ZMYM4: variants seen among roughly 807,000 people sequenced by gnomAD.
ZMYM4 encodes zinc finger MYM-type protein 4.
A neutral mutation model predicts 183.2 loss-of-function variants in ZMYM4; 31 were observed. The observed-to-expected ratio is 0.17, with a 90% confidence interval of 0.13 to 0.23. ZMYM4 has a LOEUF of 0.23. Among genes scored for constraint, ZMYM4 ranks in the 10% least tolerant of loss-of-function variants. The pLI is 1.00. For synonymous variants in ZMYM4, 592 were observed against 631.2 expected (o/e 0.94, Z 0.93); for missense variants, 1,273 against 1,840.3 (o/e 0.69, Z 5.64).
chr1:35,418,297 C>T, intron 28 of ZMYM4, 146 bp from the exon 29 acceptor site: 1 of 780,878 alleles, frequency 1.3e-6, no homozygotes, highest in South Asian at 2.0e-5. Context: ...CCTTCATAGG[C>T]ACTCAGTATT....
chr1:35,291,182 T>C (rs527699315), intron 1 of ZMYM4, among the ~76,000 whole-genome samples: 1 of 152,308 alleles, frequency 6.6e-6, no homozygotes, highest in African/African-American at 2.4e-5. Context: ...AAATACTGTA[T>C]GTCTTCTTAT....
chr1:35,417,689 G>T (rs1049616410), intron 28 of ZMYM4, among the ~76,000 whole-genome samples: 3 of 152,072 alleles, frequency 2.0e-5, no homozygotes, highest in Non-Finnish European at 2.9e-5. Context: ...TCCAGGCTGG[G>T]CAACAGAGTG....
Position 35,399,522 on chromosome 1 carries a change from ACGTTCC to A in ZMYM4, c.3477_3482del (p.Ser1160_Arg1161del). ...TTAATAAAGGACAGGGAATCCAGGCACGTTCCCGAACAAGACGACGACACAGAGATG... is the reference window on the plus strand; with the variant it reads ...TTAATAAAGGACAGGGAATCCAGGCACGAACAAGACGACGACACAGAGATG... On this transcript the variant is annotated inframe_deletion, in exon 23 of 30. Coordinates refer to ENST00000314607, the MANE Select transcript of ZMYM4 (RefSeq NM_005095.3). The A allele has an allele frequency of 6.2e-7, 1 of 1,614,148 alleles. No individual in the cohort carries two copies. The highest frequency in any genetic ancestry group is 1.1e-5 in the South Asian group (1 of 91,080).
At chr1:35,287,257 G>A (rs978453365) in intron 1 of ZMYM4, among the ~76,000 whole-genome samples, 2 of 150,842 alleles carry the variant, frequency 1.3e-5, no homozygotes, top group African/African-American at 2.4e-5. Flanking sequence ...TTAAGAGATG[G>A]GGTCTTGCTA....
At chr1:35,368,593 A>G (rs916203761) in intron 5 of ZMYM4, among the ~76,000 whole-genome samples, 10 of 152,172 alleles carry the variant, frequency 6.6e-5, no homozygotes, top group Non-Finnish European at 1.3e-4. Flanking sequence ...GAGTAAATAT[A>G]ATTAAGAACA....
intron 2 of ZMYM4, among the ~76,000 whole-genome samples, chr1:35,339,054 A>G (rs753853640): frequency 8.5e-5 from 13 of 152,202 alleles, no homozygotes; most frequent in Non-Finnish European, 1.3e-4. Flanking sequence ...AGGAAGAGCA[A>G]TTACAGTTTG....
chr1:35,283,588 C>T (rs773269393), intron 1 of ZMYM4, among the ~76,000 whole-genome samples: 12 of 151,908 alleles, frequency 7.9e-5, no homozygotes, highest in Admixed American at 2.0e-4. Flanking sequence ...CCACCCGCCT[C>T]GGCCTCCCAA....
intron 13 of ZMYM4, among the ~76,000 whole-genome samples, chr1:35,387,963 T>A (rs911240738): frequency 1.3e-5 from 2 of 152,228 alleles, no homozygotes; most frequent in African/African-American, 4.8e-5. Flanking sequence ...AAGTTTATAC[T>A]TTTATTGTCT....
intron 1 of ZMYM4, 157 bp downstream of exon 1, chr1:35,269,242 G>T (rs1639468995): frequency 7.5e-6 from 3 of 402,148 alleles, no homozygotes; most frequent in African/African-American, 2.2e-5. Context: ...GCGCGCTGGC[G>T]AGCGGTCCCT....
chr1:35,381,445 T>C lies in ZMYM4; in HGVS notation c.1356+12T>C. ...AGAAGAATGCTGTTGTAAGTTACCA[T>C]TTTCCTTTATTGGGGCAGGAGTCTA... On this transcript the variant is annotated intron_variant, in intron 8 of 29. Transcript: ENST00000314607. 6.2e-7 allele frequency: 1 copy of C among 1,604,360 alleles called. No individual in the cohort carries two copies. The highest frequency in any genetic ancestry group is 1.3e-5 in the African/African-American group (1 of 74,648).
At chr1:35,350,791 C>G in intron 2 of ZMYM4, 1 of 484,170 alleles carries the variant, frequency 2.1e-6, no homozygotes, top group Non-Finnish European at 3.8e-6. Context: ...TAGAAGATGA[C>G]GAGAGGGTAA....
intron 1 of ZMYM4, among the ~76,000 whole-genome samples, chr1:35,274,196 T>A (rs471839): frequency 0.15 from 23,479 of 152,116 alleles, 3,866 homozygotes; most frequent in East Asian, 0.69. Flanking sequence ...AATTTGCTTT[T>A]AGAAAGTATT....
chr1:35,374,604 C>T (rs1341603049), intron 7 of ZMYM4, among the ~76,000 whole-genome samples: 2 of 149,884 alleles, frequency 1.3e-5, no homozygotes, highest in Admixed American at 1.3e-4. Context: ...GTCTGAGACT[C>T]AGCCTGGGCA....
In ZMYM4 at chr1:35,415,456, T is replaced by C; in HGVS notation, c.4061-10T>C. ...TCAGTACTGTTTCTTGTACCCCTTC[T>C]TCTGTCTAGGTTACATGTTCTCTCG... is the stretch of plus-strand genomic sequence containing the variant. On this transcript the variant is annotated splice_polypyrimidine_tract_variant and intron_variant, in intron 27 of 29. Transcript: ENST00000314607. The C allele has an allele frequency of 6.2e-7, 1 of 1,614,186 alleles. No individual in the cohort carries two copies. Among genetic ancestry groups the C allele is most frequent in the East Asian group, 2.2e-5 (1 of 44,888 alleles).
At chr1:35,405,700 T>A (rs1306018778) in intron 25 of ZMYM4, among the ~76,000 whole-genome samples, 1 of 152,120 alleles carries the variant, frequency 6.6e-6, no homozygotes, top group East Asian at 1.9e-4. Context: ...ACTGTGCAAG[T>A]GCCTCAAAAT....
chr1:35,396,065 C>G (rs999848632), intron 18 of ZMYM4, among the ~76,000 whole-genome samples: 5 of 152,150 alleles, frequency 3.3e-5, no homozygotes, highest in Admixed American at 2.6e-4. Flanking sequence ...TAATTGCCTC[C>G]TATTTTAACA....
intron 7 of ZMYM4, among the ~76,000 whole-genome samples, chr1:35,371,919 C>T (rs1301228211): frequency 2.0e-5 from 3 of 152,070 alleles, no homozygotes; most frequent in Admixed American, 1.3e-4. Context: ...GTAGATTAGA[C>T]TTCAGTTTTC....
intron 1 of ZMYM4, among the ~76,000 whole-genome samples, chr1:35,270,359 A>T (rs1251275896): frequency 6.6e-6 from 1 of 152,096 alleles, no homozygotes; most frequent in Non-Finnish European, 1.5e-5. Context: ...AGTGTCAAGT[A>T]TTATTTTTTC....
At chr1:35,326,779 A>G (rs1263850356) in intron 2 of ZMYM4, among the ~76,000 whole-genome samples, 2 of 152,234 alleles carry the variant, frequency 1.3e-5, no homozygotes, top group Admixed American at 1.3e-4. Flanking sequence ...GGAGGAATCT[A>G]GAACATCTGG....
Sources: gnomAD v4.1 joint callset for allele counts (sites outside exome capture counted in the v4.1 genomes callset) on GRCh38, gnomAD v4.1.1 for gene constraint, MANE v1.5 for transcripts, NCBI Gene and HGNC (gene_info 2026-07-23, HGNC 2026-07-21) for gene names.